SLC28A2: variants seen among roughly 807,000 people sequenced by gnomAD.
SLC28A2 encodes solute carrier family 28 member 2.
Under a neutral mutation model 72.9 loss-of-function variants are expected in SLC28A2, and 69 were observed. That is an observed-to-expected ratio of 0.95 (90% CI 0.78 to 1.16). The LOEUF (loss-of-function observed/expected upper bound fraction) is 1.16. SLC28A2 is among the 50% of genes most tolerant of loss of function. The probability of loss-of-function intolerance (pLI) is 0.00; values close to 1 mark genes in which losing one functional copy is unlikely to be tolerated. For synonymous variants in SLC28A2, 296 were observed against 294.1 expected, an observed-to-expected ratio of 1.01 and a Z score of -0.07; for missense variants, 745 against 791.1, an observed-to-expected ratio of 0.94 and a Z score of 0.70.
intron 3 of SLC28A2, among the ~76,000 whole-genome samples, chr15:45,257,900 C>T (rs1056839095): frequency 6.6e-6 from 1 of 152,224 alleles, no homozygotes; most frequent in Non-Finnish European, 1.5e-5. Context: ...CTTGATGGCT[C>T]ATGTATTTGC....
At chr15:45,267,619 AGTT>A in intron 11 of SLC28A2, 39 bp downstream of exon 11, 2 of 1,613,886 alleles carry the variant, frequency 1.2e-6, no homozygotes, top group Non-Finnish European at 1.7e-6. Flanking sequence ...GGTGAACTCG[AGTT>A]GGGTTTGATA....
intron 13 of SLC28A2, among the ~76,000 whole-genome samples, chr15:45,268,599 G>A (rs892552120): frequency 4.6e-5 from 7 of 152,188 alleles, no homozygotes; most frequent in Middle Eastern, 3.2e-3. Context: ...TATTGTGGAA[G>A]TCAGTGTGGT....
Position 45,277,692 on chromosome 15 carries a change from T to C in SLC28A2, c.*2179T>C, listed in dbSNP as rs974962143. 1 of 56,650 alleles carries C rather than the reference T, an allele frequency of 1.8e-5. No homozygotes were observed. Among genetic ancestry groups the C allele is most frequent in the Non-Finnish European group, 5.3e-5 (1 of 18,804 alleles). 3.5% of individuals were successfully genotyped at this position (56,650 alleles called of 1,614,324 possible). Reference sequence around the variant, plus strand: ...ATTAGAGAGTGACTCCTTAACGAGTTTGGGGTTTTCCTTTGGGGTGATGGG... The same window carrying C: ...ATTAGAGAGTGACTCCTTAACGAGTCTGGGGTTTTCCTTTGGGGTGATGGG... On this transcript the variant is annotated 3_prime_UTR_variant, in exon 18 of 18. Coordinates refer to ENST00000347644, the MANE Select transcript of SLC28A2 (RefSeq NM_004212.4).
At chr15:45,258,215 C>T (rs963449846) in intron 3 of SLC28A2, among the ~76,000 whole-genome samples, 14 of 151,752 alleles carry the variant, frequency 9.2e-5, no homozygotes, top group Non-Finnish European at 1.8e-4. Flanking sequence ...AGTGAGACTC[C>T]GTCTCAAAAA....
At chr15:45,262,973 C>G (rs555194757) in intron 4 of SLC28A2, 88 bp from the exon 5 acceptor site, 5 of 1,179,378 alleles carry the variant, frequency 4.2e-6, no homozygotes, top group South Asian at 1.5e-5. Flanking sequence ...TTTTCTTGCT[C>G]TAAGTCCCAG....
chr15:45,261,021 T>G (rs558439374), intron 3 of SLC28A2, among the ~76,000 whole-genome samples: 243 of 152,148 alleles, frequency 1.6e-3, no homozygotes, highest in Non-Finnish European at 2.2e-3. Context: ...GCCATGGAAC[T>G]CCATGGGCCA....
rs190367435 is a variant in SLC28A2 at position 45,276,223 on chromosome 15, C to G, written c.*710C>G. 3.3e-5 allele frequency: 5 copies of G among 151,890 alleles called. No individual in the cohort carries two copies. The highest frequency in any genetic ancestry group is 7.4e-5 in the Non-Finnish European group (5 of 68,014). 9.4% of individuals were successfully genotyped at this position (151,890 alleles called of 1,614,324 possible). A position where few individuals can be genotyped will look rare whatever the true frequency, so the allele number is the denominator to read the frequency against. ...GAAATCATCATTCTCAGTAAACTAT[C>G]GCAAGGACAAAAAACCAAACACCAC... On this transcript the variant is annotated 3_prime_UTR_variant, in exon 18 of 18. Coordinates refer to ENST00000347644, the MANE Select transcript of SLC28A2 (RefSeq NM_004212.4).
intron 3 of SLC28A2, among the ~76,000 whole-genome samples, chr15:45,260,078 A>T (rs1178750971): frequency 6.6e-6 from 1 of 152,236 alleles, no homozygotes; most frequent in Non-Finnish European, 1.5e-5. Context: ...AAAGATATGT[A>T]TGAGGTATGG....
At chr15:45,266,436 C>T (rs886771700) in intron 10 of SLC28A2, among the ~76,000 whole-genome samples, 2 of 152,172 alleles carry the variant, frequency 1.3e-5, no homozygotes, top group African/African-American at 2.4e-5. Context: ...GGAATGTCCT[C>T]GTCCAATTCA....
At chr15:45,275,326 A>G (rs1223834628) in intron 17 of SLC28A2, 70 bp from the exon 18 acceptor site, 2 of 898,158 alleles carry the variant, frequency 2.2e-6, no homozygotes, top group Non-Finnish European at 3.6e-6. Context: ...GCTTAGTATA[A>G]CTTATTGATA....
intron 6 of SLC28A2, 62 bp downstream of exon 6, chr15:45,264,084 T>C (rs1393957719): frequency 2.0e-6 from 3 of 1,466,692 alleles, no homozygotes; most frequent in Non-Finnish European, 1.9e-6. Flanking sequence ...GTGCTAATCA[T>C]AAAGCGTATG....
intron 8 of SLC28A2, 101 bp downstream of exon 8, chr15:45,265,267 C>T: frequency 1.2e-6 from 1 of 834,610 alleles, no homozygotes; most frequent in South Asian, 1.4e-5. Flanking sequence ...CCCCTGTATA[C>T]CAATTTGACC....
chr15:45,254,775 C>G (rs1426482462), intron 3 of SLC28A2, among the ~76,000 whole-genome samples: 1 of 152,122 alleles, frequency 6.6e-6, no homozygotes, highest in African/African-American at 2.4e-5. Flanking sequence ...GTTTTATTCA[C>G]AATTTGCTTC....
At chr15:45,275,105 C>T (rs1330283005) in intron 17 of SLC28A2, among the ~76,000 whole-genome samples, 1 of 152,146 alleles carries the variant, frequency 6.6e-6, no homozygotes, top group African/African-American at 2.4e-5. Flanking sequence ...CAATTCAATA[C>T]TAAATCATTA....
chr15:45,268,278 T>G lies in SLC28A2; in HGVS notation c.1268T>G (p.Val423Gly). 1 of 1,612,834 alleles carries G rather than the reference T, an allele frequency of 6.2e-7. No homozygotes were observed. The highest frequency in any genetic ancestry group is 8.5e-7 in the Non-Finnish European group (1 of 1,178,878). Residue 423 changes from valine to glycine, a missense_variant, in exon 13 of 18, where the codon GTA becomes GGA. Physicochemically the swap from Val to Gly is moderately radical, Grantham distance 109 (BLOSUM62 -3). Coordinates refer to ENST00000347644, the MANE Select transcript of SLC28A2 (RefSeq NM_004212.4). ...GATGCCATAGGCCTTGCTACTAATG[T>G]AGCAGCCAACCTGATTGCCTTTTTG... ...AVDAIGLATNVAANLIAFLAV... is the reference protein window; with the variant it reads ...AVDAIGLATNGAANLIAFLAV...
chr15:45,272,396 A>G lies in SLC28A2; in HGVS notation c.1747+3A>G. 2.5e-6 allele frequency: 4 copies of G among 1,609,528 alleles called. No individual in the cohort carries two copies. The highest frequency in any genetic ancestry group is 3.4e-6 in the Non-Finnish European group (4 of 1,176,134). ...CCTTATCAGTGCCTGTATGGCAGGT[A>G]GGTGCCTCAGCTCTGATGGAGATAC... On this transcript the variant is annotated splice_donor_region_variant and intron_variant, in intron 16 of 17. Coordinates refer to ENST00000347644, the MANE Select transcript of SLC28A2 (RefSeq NM_004212.4).
At chr15:45,261,228 T>C (rs1054798540) in intron 3 of SLC28A2, among the ~76,000 whole-genome samples, 2 of 152,204 alleles carry the variant, frequency 1.3e-5, no homozygotes, top group African/African-American at 4.8e-5. Context: ...CAGGCAACCC[T>C]GGAATCTAGG....
chr15:45,265,920 G>A (rs899264821), intron 9 of SLC28A2, 161 bp from the exon 10 acceptor site: 11 of 639,532 alleles, frequency 1.7e-5, no homozygotes, highest in Admixed American at 5.5e-5. Context: ...CTGAGTTCTG[G>A]TCAAGGCTCT....
chr15:45,276,611 A>G lies in SLC28A2; in HGVS notation c.*1098A>G, dbSNP rs932837190. The stretch of plus-strand genomic sequence containing the variant: ...AAAAAGTCTTACAAATCATGCTTCT[A>G]GTTGCCATCTTAAAAATTATGTGAT... On this transcript the variant is annotated 3_prime_UTR_variant, in exon 18 of 18. Coordinates refer to ENST00000347644, the MANE Select transcript of SLC28A2 (RefSeq NM_004212.4). The G allele has an allele frequency of 6.6e-6, 1 of 152,198 alleles. No individual in the cohort carries two copies. Among genetic ancestry groups the G allele is most frequent in the East Asian group, 1.9e-4 (1 of 5,206 alleles). 9.4% of individuals were successfully genotyped at this position (152,198 alleles called of 1,614,324 possible).
Sources: allele counts gnomAD v4.1 joint callset (sites outside exome capture counted in the v4.1 genomes callset), GRCh38; gene constraint gnomAD v4.1.1; transcripts MANE v1.5; gene names NCBI Gene and HGNC (gene_info 2026-07-23, HGNC 2026-07-21).